The following DISC1 variants were observed in gnomAD, a reference collection of about 807,000 sequenced individuals.
The protein encoded by DISC1 is disrupted in schizophrenia 1 protein.
In DISC1, 57 loss-of-function variants were observed where a neutral mutation model predicts 84.5. The ratio of observed to expected loss-of-function variants is 0.67; its 90% CI spans 0.55 to 0.84. DISC1 has a LOEUF of 0.84. Among genes scored for constraint, DISC1 ranks in the 40% least tolerant of loss-of-function variants. DISC1 has a pLI of 0.00. For synonymous variants in DISC1, 411 were observed against 415.2 expected (o/e 0.99, Z 0.12); for missense variants, 1,000 against 1,057.8 (o/e 0.95, Z 0.76).
At chr1:231,878,151 A>G (rs1018487956) in intron 9 of DISC1, among the ~76,000 whole-genome samples, 4 of 152,202 alleles carry the variant, frequency 2.6e-5, no homozygotes, top group African/African-American at 9.7e-5. Flanking sequence ...TCGGTGCTGC[A>G]GATACAGTGA....
chr1:231,837,784 G>A (rs779373758), intron 9 of DISC1, among the ~76,000 whole-genome samples: 11 of 152,180 alleles, frequency 7.2e-5, no homozygotes, highest in Non-Finnish European at 1.2e-4. Context: ...TAGAATCAAA[G>A]CAGGTAATTC....
intron 9 of DISC1, chr1:231,866,755 T>C: frequency 1.5e-6 from 2 of 1,304,840 alleles, no homozygotes; most frequent in African/African-American, 1.5e-5. Context: ...GTATGGATTC[T>C]TCTTTCAACC....
chr1:232,025,344 T>C (rs1332120718), intron 11 of DISC1, among the ~76,000 whole-genome samples: 3 of 152,200 alleles, frequency 2.0e-5, no homozygotes, highest in Admixed American at 2.0e-4. Flanking sequence ...AGCTGAACCA[T>C]GGGCTTTGTG....
chr1:232,015,692 A>C (rs112795641), intron 11 of DISC1, among the ~76,000 whole-genome samples: 7 of 152,326 alleles, frequency 4.6e-5, no homozygotes, highest in African/African-American at 1.2e-4. Context: ...AGGAGCAGGC[A>C]GGAGATGAAC....
At chr1:231,755,008 T>G (rs2074983250) in intron 4 of DISC1, among the ~76,000 whole-genome samples, 1 of 152,230 alleles carries the variant, frequency 6.6e-6, no homozygotes, top group Non-Finnish European at 1.5e-5. Context: ...AAGTCAGCAA[T>G]GACTTTCTAT....
At chr1:231,637,991 C>T (rs1374708627) in intron 1 of DISC1, among the ~76,000 whole-genome samples, 1 of 152,164 alleles carries the variant, frequency 6.6e-6, no homozygotes, top group South Asian at 2.1e-4. Flanking sequence ...TCACTTTTCA[C>T]TGCATTCTCT....
chr1:231,747,049 C>G, intron 3 of DISC1, among the ~76,000 whole-genome samples: 1 of 152,166 alleles, frequency 6.6e-6, no homozygotes, highest in East Asian at 1.9e-4. Flanking sequence ...CCCACCTCAG[C>G]CTCCTGAGTA....
intron 3 of DISC1, chr1:231,721,005 C>T: frequency 4.6e-6 from 6 of 1,290,940 alleles, no homozygotes; most frequent in Non-Finnish European, 6.1e-6. Context: ...GGATACGGAT[C>T]ATGAAAATTG....
chr1:231,883,510 G>T (rs1371351587), intron 9 of DISC1, among the ~76,000 whole-genome samples: 1 of 152,136 alleles, frequency 6.6e-6, no homozygotes, highest in Non-Finnish European at 1.5e-5. Flanking sequence ...GTTGCCAGGT[G>T]CTGGGTCCCA....
At chr1:231,754,869 T>C (rs76409609) in intron 4 of DISC1, among the ~76,000 whole-genome samples, 2,695 of 152,276 alleles carry the variant, frequency 0.018, 40 homozygotes, top group Middle Eastern at 0.048. Flanking sequence ...TGGCTTACTT[T>C]ATGAGCTATC....
intron 3 of DISC1, among the ~76,000 whole-genome samples, chr1:231,722,117 C>T (rs2069843629): frequency 7.0e-6 from 1 of 142,052 alleles, no homozygotes; most frequent in Admixed American, 7.3e-5. Flanking sequence ...CGCGCCACTG[C>T]ACTCCAGCCT....
chr1:232,000,576 C>G (rs569753887), intron 10 of DISC1, among the ~76,000 whole-genome samples: 2 of 152,108 alleles, frequency 1.3e-5, no homozygotes, highest in Admixed American at 1.3e-4. Flanking sequence ...AAGCCATAAT[C>G]CTACAGATTC....
intron 9 of DISC1, among the ~76,000 whole-genome samples, chr1:231,952,691 TTATATATATATATATATATATATGTA>T (rs1188772018): frequency 1.6e-4 from 22 of 141,838 alleles, no homozygotes; most frequent in African/African-American, 4.1e-4. Flanking sequence ...ATATATATGT[TTATATATATATATATATATATATGTA>T]TATATATATA....
In DISC1 at chr1:231,771,074, C is replaced by T. The variant is rs1573674315; in HGVS notation, c.1634+4C>T. 6.3e-7 allele frequency: 1 copy of T among 1,580,008 alleles called. No individual in the cohort carries two copies. Among genetic ancestry groups the T allele is most frequent in the Non-Finnish European group, 8.6e-7 (1 of 1,160,428 alleles). On this transcript the variant is annotated splice_donor_region_variant and intron_variant, in intron 6 of 12. Coordinates refer to ENST00000439617, the MANE Select transcript of DISC1 (RefSeq NM_018662.3). ...AGCCACCGGAAACCATAAGGAGGTA[C>T]TGCTGATTTCCTAACTGATTTTGGG... is the stretch of plus-strand genomic sequence containing the variant.
At chr1:231,957,561 G>A (rs1302432837) in intron 9 of DISC1, among the ~76,000 whole-genome samples, 2 of 152,316 alleles carry the variant, frequency 1.3e-5, no homozygotes, top group East Asian at 3.9e-4. Context: ...TGTATGGGAT[G>A]TGAAACAGAG....
intron 3 of DISC1, among the ~76,000 whole-genome samples, chr1:231,706,781 T>C (rs962428630): frequency 1.7e-4 from 26 of 152,354 alleles, no homozygotes; most frequent in African/African-American, 6.0e-4. Context: ...AAAAACACTC[T>C]AGGGTGAGTC....
intron 8 of DISC1, among the ~76,000 whole-genome samples, chr1:231,807,464 G>A (rs1326732404): frequency 6.6e-6 from 1 of 152,130 alleles, no homozygotes; most frequent in Non-Finnish European, 1.5e-5. Flanking sequence ...TTAATGCCTG[G>A]CACTCAAAAG....
chr1:231,643,108 C>T (rs151261695), intron 1 of DISC1, among the ~76,000 whole-genome samples: 3 of 152,226 alleles, frequency 2.0e-5, no homozygotes, highest in Non-Finnish European at 2.9e-5. Context: ...CAGGCCATTT[C>T]GCTAATTCTT....
chr1:232,019,135 G>T (rs912339533), intron 11 of DISC1, among the ~76,000 whole-genome samples: 2 of 152,188 alleles, frequency 1.3e-5, no homozygotes, highest in African/African-American at 4.8e-5. Context: ...GAGACAGGCG[G>T]TTACACACAC....
Sources: allele counts gnomAD v4.1 joint callset (sites outside exome capture counted in the v4.1 genomes callset), GRCh38; gene constraint gnomAD v4.1.1; transcripts MANE v1.5; gene names NCBI Gene and HGNC (gene_info 2026-07-23, HGNC 2026-07-21).